SYTL5: variants seen among roughly 807,000 people sequenced by gnomAD.
SYTL5 encodes synaptotagmin-like protein 5.
A neutral mutation model predicts 55.9 loss-of-function variants in SYTL5; 34 were observed. The observed-to-expected ratio is 0.61, with a 90% CI of 0.46 to 0.81. The LOEUF (loss-of-function observed/expected upper bound fraction) is 0.81. SYTL5 is among the 30% of genes least tolerant of loss of function. The pLI is 0.00. For synonymous variants in SYTL5, 221 were observed against 188.7 expected, an observed-to-expected ratio of 1.17 and a Z score of -1.40; for missense variants, 637 against 546.7, an observed-to-expected ratio of 1.17 and a Z score of -1.65.
At chrX:38,006,870 G>A (rs758290819) in intron 1 of SYTL5, among the ~76,000 whole-genome samples, 3 of 111,060 alleles carry the variant, frequency 2.7e-5, no homozygotes, top group Non-Finnish European at 3.8e-5. Context: ...TGAGTTTAAT[G>A]GATTGAGGAG....
intron 3 of SYTL5, among the ~76,000 whole-genome samples, chrX:38,059,321 C>A (rs1935875731): frequency 9.0e-6 from 1 of 111,492 alleles, no homozygotes; most frequent in African/African-American, 3.2e-5. Flanking sequence ...TTCCCGTAAA[C>A]CTAGTGGTTT....
chrX:37,991,262 G>A, the SYTL5 span: 1 of 1,140,631 alleles, frequency 8.8e-7, no homozygotes, highest in Non-Finnish European at 1.2e-6. Flanking sequence ...TCACAGCTGA[G>A]GAATATCTGC....
the SYTL5 span, among the ~76,000 whole-genome samples, chrX:37,933,574 T>C: frequency 9.8e-5 from 11 of 112,319 alleles, 1 homozygote; most frequent in Admixed American, 1.9e-4. Context: ...TAAAGCTTTT[T>C]CTTCAGAGAA....
the SYTL5 span, chrX:37,906,259 G>A: frequency 8.9e-6 from 1 of 111,989 alleles, no homozygotes. Flanking sequence ...CTCTCCATTG[G>A]AGACAGAAAG....
chrX:37,934,094 T>C, the SYTL5 span, among the ~76,000 whole-genome samples: 1 of 110,897 alleles, frequency 9.0e-6, no homozygotes, highest in African/African-American at 3.3e-5. Context: ...CCTGGGGAGG[T>C]AGGAGAAATT....
At chrX:37,947,025 ACT>A in the SYTL5 span, among the ~76,000 whole-genome samples, 4 of 109,520 alleles carry the variant, frequency 3.7e-5, no homozygotes, top group Admixed American at 2.0e-4. Context: ...TCATTGCCTT[ACT>A]CTCTCTCTTG....
chrX:38,106,829 T>C (rs1257085714), intron 11 of SYTL5, 58 bp downstream of exon 11: 11 of 985,304 alleles, frequency 1.1e-5, no homozygotes, highest in African/African-American at 2.0e-5. Context: ...TGTCTGTATG[T>C]GTGTTTCCTT....
chrX:37,960,916 C>T, the SYTL5 span, among the ~76,000 whole-genome samples: 1 of 109,412 alleles, frequency 9.1e-6, no homozygotes, highest in East Asian at 2.8e-4. Flanking sequence ...CTGCCTCAGC[C>T]TCCTGAGTAG....
chrX:38,094,547 C>A, intron 8 of SYTL5, 123 bp downstream of exon 8: 1 of 799,615 alleles, frequency 1.3e-6, no homozygotes, highest in Non-Finnish European at 1.8e-6. Context: ...CTTCTTTGAC[C>A]TATGGTGGTA....
intron 1 of SYTL5, among the ~76,000 whole-genome samples, chrX:38,026,359 G>A (rs1934775695): frequency 9.0e-6 from 1 of 111,246 alleles, no homozygotes; most frequent in Admixed American, 9.5e-5. Flanking sequence ...AAAACATCCT[G>A]ATTTTCTTGA....
chrX:38,096,096 G>C (rs1344952198), intron 8 of SYTL5, 38 bp from the exon 9 acceptor site: 2 of 779,921 alleles, frequency 2.6e-6, no homozygotes, highest in Admixed American at 2.9e-5. Flanking sequence ...CACAAAACAG[G>C]CTGACTCACG....
In SYTL5 at chrX:38,027,226, G is replaced by C. The variant is rs775049577; in HGVS notation, c.-356-6308G>C. Among the ~76,000 whole-genome samples, 3 of 111,866 alleles carry C rather than the reference G, an allele frequency of 2.7e-5. No individual in the cohort carries two copies. In the East Asian group the frequency reaches 8.3e-4, roughly 31 times the overall value. On this transcript the variant is annotated intron_variant, in intron 1 of 16. Transcript: ENST00000297875. The stretch of plus-strand genomic sequence containing the variant: ...CTTATTTTGCATTATTACACAAAGA[G>C]TACAACTGCAATATATTCCACAACA...
the SYTL5 span, among the ~76,000 whole-genome samples, chrX:37,998,019 C>T: frequency 8.9e-6 from 1 of 112,202 alleles, no homozygotes. Flanking sequence ...ACAGGAAGAC[C>T]TGCCTACAGA....
chrX:38,117,800 T>C (rs934280749), intron 13 of SYTL5, among the ~76,000 whole-genome samples: 5 of 112,112 alleles, frequency 4.5e-5, no homozygotes, highest in Non-Finnish European at 9.4e-5. Flanking sequence ...TCTGTGGCTT[T>C]AGCCTCTCTT....
intron 6 of SYTL5, among the ~76,000 whole-genome samples, chrX:38,083,705 C>T (rs1403128346): frequency 9.2e-6 from 1 of 109,004 alleles, no homozygotes; most frequent in Admixed American, 9.9e-5. Context: ...ACACAAACAC[C>T]CAATACCTGA....
chrX:38,071,479 A>G (rs1936261651), intron 3 of SYTL5, among the ~76,000 whole-genome samples: 1 of 111,828 alleles, frequency 8.9e-6, no homozygotes, highest in Non-Finnish European at 1.9e-5. Flanking sequence ...GACTATTACA[A>G]TGGCCAACCT....
chrX:37,993,289 T>G, the SYTL5 span, among the ~76,000 whole-genome samples: 1 of 111,692 alleles, frequency 9.0e-6, no homozygotes, highest in African/African-American at 3.3e-5. Flanking sequence ...AATATTGAAA[T>G]AAAAATTAAA....
intron 1 of SYTL5, among the ~76,000 whole-genome samples, chrX:38,031,461 G>A (rs1274676419): frequency 8.9e-6 from 1 of 111,778 alleles, no homozygotes; most frequent in Non-Finnish European, 1.9e-5. Flanking sequence ...TGGATTTTTA[G>A]AGAGAAGATT....
chrX:37,975,008 G>C, the SYTL5 span, among the ~76,000 whole-genome samples: 1 of 111,974 alleles, frequency 8.9e-6, no homozygotes, highest in Non-Finnish European at 1.9e-5. Flanking sequence ...ACTGAGACAG[G>C]GTTTGCGTGA....
Sources: gnomAD v4.1 joint callset for allele counts (sites outside exome capture counted in the v4.1 genomes callset) on GRCh38, gnomAD v4.1.1 for gene constraint, MANE v1.5 for transcripts, NCBI Gene and HGNC (gene_info 2026-07-23, HGNC 2026-07-21) for gene names.